The following SMS variants were observed in gnomAD, a reference collection of about 807,000 sequenced individuals.
The protein encoded by SMS is spermine synthase.
A neutral mutation model predicts 33.0 loss-of-function variants in SMS; 3 were observed. That is an observed-to-expected ratio of 0.09 (90% CI 0.04 to 0.23). The LOEUF is 0.23. Among genes scored for constraint, SMS ranks in the 10% least tolerant of loss-of-function variants. The probability of loss-of-function intolerance (pLI) is 1.00; values close to 1 mark genes in which losing one functional copy is unlikely to be tolerated. For synonymous variants in SMS, 103 were observed against 112.2 expected (o/e 0.92, Z 0.52); for missense variants, 117 against 288.6 (o/e 0.41, Z 4.31).
At chrX:21,959,036 C>T (rs1476978554) in intron 1 of SMS, among the ~76,000 whole-genome samples, 2 of 112,463 alleles carry the variant, frequency 1.8e-5, no homozygotes, top group Non-Finnish European at 3.7e-5. Flanking sequence ...TACTTTCTGG[C>T]TATTGCATAT....
chrX:21,958,330 A>G (rs1223399173), intron 1 of SMS, among the ~76,000 whole-genome samples: 1 of 112,127 alleles, frequency 8.9e-6, no homozygotes, highest in Non-Finnish European at 1.9e-5. Flanking sequence ...TCTTTCTTCT[A>G]CGTGTGGCTT....
chrX:21,980,429 A>AAAAAAT (rs1260210326), intron 7 of SMS, among the ~76,000 whole-genome samples: 53 of 63,043 alleles, frequency 8.4e-4, no homozygotes, highest in East Asian at 2.0e-3. Flanking sequence ...AAAAAAAAAA[A>AAAAAAT]ATATATATAT....
At chrX:21,983,981 T>C (rs944893832) in intron 7 of SMS, among the ~76,000 whole-genome samples, 2 of 112,381 alleles carry the variant, frequency 1.8e-5, no homozygotes, top group African/African-American at 3.2e-5. Context: ...TTTCAGATAG[T>C]AATAGGTATA....
rs1924288817 is a variant in SMS at position 21,973,025 on chromosome X, G to A, written c.329+454G>A. Reference sequence around the variant, plus strand: ...CAGCACCTCCTTCTGGCAACATGGTGAACTGAACTACTGGGCCCCTCACAC... The same window carrying A: ...CAGCACCTCCTTCTGGCAACATGGTAAACTGAACTACTGGGCCCCTCACAC... On this transcript the variant is annotated intron_variant, in intron 4 of 10. Transcript: ENST00000404933. 4.5e-5 allele frequency among the ~76,000 whole-genome samples: 5 copies of A among 110,840 alleles called. No individual in the cohort carries two copies. The Admixed American group carries it at 4.8e-4, about 11-fold the overall frequency.
intron 7 of SMS, among the ~76,000 whole-genome samples, chrX:21,981,158 T>C (rs750819973): frequency 1.8e-5 from 2 of 110,772 alleles, no homozygotes; most frequent in African/African-American, 6.6e-5. Flanking sequence ...CTGTCTCTAC[T>C]AAAAATACAA....
intron 1 of SMS, among the ~76,000 whole-genome samples, chrX:21,965,329 T>G (rs12688591): frequency 0.29 from 31,716 of 110,053 alleles, 3,416 homozygotes; most frequent in Admixed American, 0.39. Context: ...GGCAACTGAT[T>G]TACACTTTTA....
At position 21,955,525 on chromosome X, in the gene SMS, C is replaced by T. The variant is rs151188817; in HGVS notation, c.50-11671C>T. ...GCATTCCTGAGTCATCTCCTGTTCC[C>T]TGACCTCAAACACTGCAAGTCCCCT... On this transcript the variant is annotated intron_variant, in intron 1 of 10. Transcript: ENST00000404933. Among the ~76,000 whole-genome samples the T allele has an allele frequency of 5.7e-3, 640 of 112,096 alleles. 3 individuals carry two copies. The highest frequency in any genetic ancestry group is 0.019 in the African/African-American group (601 of 30,865).
At chrX:21,966,123 G>A (rs757405241) in intron 1 of SMS, among the ~76,000 whole-genome samples, 11 of 112,205 alleles carry the variant, frequency 9.8e-5, no homozygotes, top group African/African-American at 3.6e-4. Flanking sequence ...CCCAGTTCTA[G>A]TTTCGGCACT....
chrX:21,977,328 G>A (rs1924601153), intron 5 of SMS, 92 bp downstream of exon 5: 1 of 836,222 alleles, frequency 1.2e-6, no homozygotes, highest in East Asian at 3.1e-5. Context: ...TCGTGGATTT[G>A]TTTGAGTTTG....
intron 1 of SMS, chrX:21,941,281 C>G (rs1421598643): frequency 5.7e-6 from 1 of 176,056 alleles, no homozygotes; most frequent in South Asian, 6.3e-5. Flanking sequence ...TGCGGCGGAG[C>G]GAGGCGTGAC....
intron 9 of SMS, among the ~76,000 whole-genome samples, chrX:21,985,996 G>T (rs1925298720): frequency 1.8e-5 from 2 of 110,911 alleles, no homozygotes; most frequent in South Asian, 7.6e-4. Context: ...CCTCCAGCCT[G>T]GGTGACAGAG....
chrX:21,950,640 C>G (rs192299300), intron 1 of SMS, among the ~76,000 whole-genome samples: 4 of 108,085 alleles, frequency 3.7e-5, no homozygotes, highest in East Asian at 5.9e-4. Flanking sequence ...TGTTCCCTTC[C>G]CTGTGTTCAT....
intron 4 of SMS, among the ~76,000 whole-genome samples, chrX:21,975,805 A>G (rs1231741513): frequency 2.7e-5 from 3 of 110,838 alleles, no homozygotes; most frequent in Non-Finnish European, 5.7e-5. Flanking sequence ...GTATTCCCTC[A>G]TAGAAAGCCT....
chrX:21,948,937 A>G (rs1468584893), intron 1 of SMS, among the ~76,000 whole-genome samples: 1 of 112,039 alleles, frequency 8.9e-6, no homozygotes, highest in East Asian at 2.8e-4. Context: ...TCTGCGAACC[A>G]CGTATGTAAA....
In SMS at chrX:21,940,898, G is replaced by C; in HGVS notation, c.49+25G>C. On this transcript the variant is annotated intron_variant, in intron 1 of 10. Transcript: ENST00000404933. ...GGTGAGGGCGCCCGCCGCCACCTGCGTGGCCATCCCCGCCGCTCCCGCCGC... is the reference window on the plus strand; with the variant it reads ...GGTGAGGGCGCCCGCCGCCACCTGCCTGGCCATCCCCGCCGCTCCCGCCGC... 4 of 1,040,881 alleles carry C rather than the reference G, an allele frequency of 3.8e-6. No homozygotes were observed. The South Asian group carries it at 8.8e-5, about 23-fold the overall frequency. The allele number at this position is 1,040,881 out of a possible 1,213,427, so 85.8% of individuals were successfully genotyped here.
At chrX:21,966,499 CTTT>C (rs1923732054) in intron 1 of SMS, among the ~76,000 whole-genome samples, 1 of 111,287 alleles carries the variant, frequency 9.0e-6, no homozygotes, top group Admixed American at 9.6e-5. Flanking sequence ...ACTGATTGCA[CTTT>C]TGGGAGTAGG....
At chrX:21,955,440 A>G (rs1193467068) in intron 1 of SMS, among the ~76,000 whole-genome samples, 1 of 112,119 alleles carries the variant, frequency 8.9e-6, no homozygotes, top group African/African-American at 3.2e-5. Context: ...GGCCGTCTCC[A>G]CACGTCACAT....
At chrX:21,981,632 C>T (rs187623418) in intron 7 of SMS, among the ~76,000 whole-genome samples, 2 of 112,030 alleles carry the variant, frequency 1.8e-5, no homozygotes, top group East Asian at 5.6e-4. Context: ...GTCTAAGATA[C>T]ATTTCAGTTG....
At chrX:21,957,095 G>A (rs767029385) in intron 1 of SMS, among the ~76,000 whole-genome samples, 3 of 110,279 alleles carry the variant, frequency 2.7e-5, no homozygotes, top group Non-Finnish European at 5.7e-5. Flanking sequence ...GATGCGTGTT[G>A]CATCTGAGCC....
Sources: allele counts gnomAD v4.1 joint callset (sites outside exome capture counted in the v4.1 genomes callset), GRCh38; gene constraint gnomAD v4.1.1; transcripts MANE v1.5; gene names NCBI Gene and HGNC (gene_info 2026-07-23, HGNC 2026-07-21).